AGMO: variants seen among roughly 807,000 people sequenced by gnomAD.
AGMO encodes the protein alkylglycerol monooxygenase, also known as glyceryl-ether monooxygenase.
A neutral mutation model predicts 60.2 loss-of-function variants in AGMO; 75 were observed. That is an observed-to-expected ratio of 1.25 (90% CI 1.03 to 1.51). The LOEUF is 1.51. Among genes scored for constraint, AGMO ranks in the 40% most tolerant of loss-of-function variants. The probability of loss-of-function intolerance (pLI) is 0.00; values close to 1 mark genes in which losing one functional copy is unlikely to be tolerated. For synonymous variants in AGMO, 261 were observed against 177.1 expected, an observed-to-expected ratio of 1.47 and a Z score of -3.76; for missense variants, 763 against 525.5, an observed-to-expected ratio of 1.45 and a Z score of -4.42.
the AGMO span, among the ~76,000 whole-genome samples, chr7:15,150,762 G>T: frequency 0.64 from 97,383 of 151,850 alleles, 31,427 homozygotes; most frequent in East Asian, 0.73. Context: ...CTTGAAGTTT[G>T]CTTTTCTTTT....
At chr7:15,136,914 A>T in the AGMO span, among the ~76,000 whole-genome samples, 1 of 152,080 alleles carries the variant, frequency 6.6e-6, no homozygotes, top group African/African-American at 2.4e-5. Context: ...CTACACTGAA[A>T]TTCTAGCCTA....
At chr7:15,383,072 C>T (rs999517771) in intron 10 of AGMO, among the ~76,000 whole-genome samples, 1 of 151,356 alleles carries the variant, frequency 6.6e-6, no homozygotes, top group Non-Finnish European at 1.5e-5. Flanking sequence ...CCCTCCCATT[C>T]GTAGGCTGGG....
intron 12 of AGMO, among the ~76,000 whole-genome samples, chr7:15,282,039 A>T (rs1430365831): frequency 6.6e-6 from 1 of 152,204 alleles, no homozygotes; most frequent in African/African-American, 2.4e-5. Context: ...TTAAATTCAC[A>T]TCTCCAAGGA....
intron 3 of AGMO, among the ~76,000 whole-genome samples, chr7:15,446,031 A>G (rs1781689383): frequency 6.6e-6 from 1 of 152,222 alleles, no homozygotes; most frequent in African/African-American, 2.4e-5. Flanking sequence ...ATCTTATAAT[A>G]TCATTAGTGT....
rs1562555792 is a variant in AGMO at position 15,530,515 on chromosome 7, ATATATT to A, written c.409+14251_409+14256del. ...ATATTCTATATACGTATTTCTATAT[ATATATT>A]CTATATACGTATTTCTATATATATT... On this transcript the variant is annotated intron_variant, in intron 3 of 12. Coordinates refer to ENST00000342526, the MANE Select transcript of AGMO (RefSeq NM_001004320.2). Among the ~76,000 whole-genome samples, 16 of 70,912 alleles carry A rather than the reference ATATATT, an allele frequency of 2.3e-4. 1 individual carries two copies. The highest frequency in any genetic ancestry group is 6.7e-4 in the African/African-American group (14 of 20,796). 46.5% of individuals were successfully genotyped at this position (70,912 alleles called of 152,430 possible).
At chr7:15,205,733 A>G (rs1263566414) in intron 12 of AGMO, among the ~76,000 whole-genome samples, 1 of 152,132 alleles carries the variant, frequency 6.6e-6, no homozygotes, top group Non-Finnish European at 1.5e-5. Context: ...TTTTCAGCCA[A>G]ATATAGGTTT....
At chr7:15,218,936 A>G (rs6977651) in intron 12 of AGMO, among the ~76,000 whole-genome samples, 4,997 of 152,286 alleles carry the variant, frequency 0.033, 288 homozygotes, top group African/African-American at 0.11. Context: ...AATCTTATTC[A>G]ATGACTTTGA....
At chr7:15,241,002 G>T (rs1418566905) in intron 12 of AGMO, among the ~76,000 whole-genome samples, 1 of 152,050 alleles carries the variant, frequency 6.6e-6, no homozygotes, top group Non-Finnish European at 1.5e-5. Context: ...TTATCAGCTG[G>T]ATCTAGATTC....
In AGMO at chr7:15,561,939, A is replaced by G. The variant is rs1785322599; in HGVS notation, c.-94T>C. Reference sequence around the variant, plus strand: ...AAGAGGACGAGATGTGCAGCTCAGAACAAGCTCTTTGTCAGAGAACAGCTA... The same window carrying G: ...AAGAGGACGAGATGTGCAGCTCAGAGCAAGCTCTTTGTCAGAGAACAGCTA... On this transcript the variant is annotated 5_prime_UTR_variant, in exon 1 of 13. Coordinates refer to ENST00000342526, the MANE Select transcript of AGMO (RefSeq NM_001004320.2). 1.5e-6 allele frequency: 2 copies of G among 1,346,146 alleles called. No individual in the cohort carries two copies. The highest frequency in any genetic ancestry group is 2.5e-5 in the East Asian group (1 of 40,752). The allele number at this position is 1,346,146 out of a possible 1,614,324, so 83.4% of individuals were successfully genotyped here.
chr7:15,525,641 G>C (rs1337018007), intron 3 of AGMO, among the ~76,000 whole-genome samples: 3 of 152,176 alleles, frequency 2.0e-5, no homozygotes, highest in Non-Finnish European at 4.4e-5. Context: ...AAGAACTCAG[G>C]ACTCATCAAA....
intron 3 of AGMO, among the ~76,000 whole-genome samples, chr7:15,542,247 G>A (rs1236980825): frequency 6.6e-6 from 1 of 152,062 alleles, no homozygotes; most frequent in African/African-American, 2.4e-5. Context: ...AAAAGTCTTT[G>A]AACTTACGGT....
At chr7:15,494,906 A>C (rs541876761) in intron 3 of AGMO, among the ~76,000 whole-genome samples, 18 of 152,364 alleles carry the variant, frequency 1.2e-4, no homozygotes, top group Middle Eastern at 3.4e-3. Flanking sequence ...AGTTTTGCAC[A>C]AGCATAGAAA....
intron 12 of AGMO, among the ~76,000 whole-genome samples, chr7:15,353,665 AAT>A (rs1223086938): frequency 2.0e-5 from 3 of 152,228 alleles, no homozygotes; most frequent in Admixed American, 6.5e-5. Context: ...GTGAATCAGA[AAT>A]ATATATTAGT....
intron 12 of AGMO, among the ~76,000 whole-genome samples, chr7:15,201,789 A>G (rs540069372): frequency 1.3e-5 from 2 of 152,322 alleles, no homozygotes; most frequent in African/African-American, 4.8e-5. Context: ...AGTATGATCT[A>G]GCTTACTATG....
intron 3 of AGMO, among the ~76,000 whole-genome samples, chr7:15,457,163 T>C (rs996600714): frequency 9.9e-5 from 15 of 152,202 alleles, no homozygotes; most frequent in African/African-American, 3.4e-4. Context: ...TCAAGCCTAT[T>C]AATTTTCAAA....
At chr7:15,305,072 A>C (rs1780571834) in intron 12 of AGMO, among the ~76,000 whole-genome samples, 1 of 152,036 alleles carries the variant, frequency 6.6e-6, no homozygotes, top group South Asian at 2.1e-4. Context: ...ATATAAATAA[A>C]AGTGTTACTA....
chr7:15,369,757 A>G (rs549314638), intron 10 of AGMO, among the ~76,000 whole-genome samples: 1 of 152,216 alleles, frequency 6.6e-6, no homozygotes, highest in Admixed American at 6.6e-5. Context: ...CTCTTCATTC[A>G]CTGTCGTATC....
intron 5 of AGMO, chr7:15,395,949 A>G (rs1784359565): frequency 2.0e-5 from 3 of 152,188 alleles, no homozygotes; most frequent in African/African-American, 7.2e-5. Flanking sequence ...CTTGAAATGG[A>G]AGCTGTGGCA....
intron 12 of AGMO, among the ~76,000 whole-genome samples, chr7:15,272,531 G>T (rs564706189): frequency 6.6e-6 from 1 of 152,106 alleles, no homozygotes; most frequent in East Asian, 1.9e-4. Flanking sequence ...GTCTATCATT[G>T]ATGGACATTT....
Sources: gnomAD v4.1 joint callset for allele counts (sites outside exome capture counted in the v4.1 genomes callset) on GRCh38, gnomAD v4.1.1 for gene constraint, MANE v1.5 for transcripts, NCBI Gene and HGNC (gene_info 2026-07-23, HGNC 2026-07-21) for gene names.